Variants in CSMD1 observed in about 807,000 individuals in gnomAD.
The protein encoded by CSMD1 is CUB and Sushi multiple domains 1, also known as CUB and sushi domain-containing protein 1.
In CSMD1, 213 loss-of-function variants were observed where a neutral mutation model predicts 417.5. That is an observed-to-expected ratio of 0.51 (90% CI 0.46 to 0.57). CSMD1 has a LOEUF of 0.57. Among genes scored for constraint, CSMD1 ranks in the 20% least tolerant of loss-of-function variants. The pLI, the probability that CSMD1 is intolerant of heterozygous loss-of-function variation, is 0.00. For synonymous variants in CSMD1, 2,862 were observed against 1,736.8 expected, an observed-to-expected ratio of 1.65 and a Z score of -16.11; for missense variants, 6,923 against 4,529.7, an observed-to-expected ratio of 1.53 and a Z score of -15.17.
chr8:3,753,821 G>C (rs994457911), intron 6 of CSMD1, 109 bp downstream of exon 6: 3 of 676,716 alleles, frequency 4.4e-6, no homozygotes, highest in Non-Finnish European at 4.9e-6. Flanking sequence ...AAAAGAATTA[G>C]AAACCATTTT....
At chr8:3,266,570 C>A (rs568371596) in intron 26 of CSMD1, among the ~76,000 whole-genome samples, 2 of 129,424 alleles carry the variant, frequency 1.5e-5, no homozygotes, top group African/African-American at 5.8e-5. Flanking sequence ...CATGCCATTG[C>A]ATTCCAGCCT....
intron 10 of CSMD1, among the ~76,000 whole-genome samples, chr8:3,541,715 TCAA>T (rs1798445648): frequency 6.7e-6 from 1 of 148,820 alleles, no homozygotes; most frequent in African/African-American, 2.5e-5. Flanking sequence ...TTTTTCTTTA[TCAA>T]CAATTAAAAA....
intron 4 of CSMD1, among the ~76,000 whole-genome samples, chr8:4,022,107 G>A (rs1385366966): frequency 2.5e-5 from 3 of 121,302 alleles, no homozygotes; most frequent in African/African-American, 6.2e-5. Context: ...ATATATATAT[G>A]AATGGATATA....
intron 2 of CSMD1, among the ~76,000 whole-genome samples, chr8:4,530,216 C>T (rs997525688): frequency 1.3e-5 from 2 of 150,396 alleles, no homozygotes; most frequent in Non-Finnish European, 3.0e-5. Context: ...CCAGGCCTGC[C>T]ATTGTTATTT....
At chr8:3,342,757 G>T (rs1025600026) in intron 23 of CSMD1, among the ~76,000 whole-genome samples, 1 of 152,084 alleles carries the variant, frequency 6.6e-6, no homozygotes, top group African/African-American at 2.4e-5. Flanking sequence ...GTTATCTCTG[G>T]CAAGTATTCA....
chr8:4,187,365 G>C (rs576711345), intron 3 of CSMD1, among the ~76,000 whole-genome samples: 123 of 152,174 alleles, frequency 8.1e-4, no homozygotes, highest in Non-Finnish European at 1.4e-3. Context: ...GTAGCATTTG[G>C]GCCAGGCACG....
chr8:4,931,070 G>A lies in CSMD1; in HGVS notation c.85+63262C>T, dbSNP rs140483547. ...AATCCTTGACTTATCTGTAATAATTGGCTTGGAAATTCAGGCAATTATATA... is the reference window on the plus strand; with the variant it reads ...AATCCTTGACTTATCTGTAATAATTAGCTTGGAAATTCAGGCAATTATATA... On this transcript the variant is annotated intron_variant, in intron 1 of 69. Transcript: ENST00000635120. Among the ~76,000 whole-genome samples the A allele has an allele frequency of 3.9e-3, 596 of 152,228 alleles. 1 individual carries two copies. The highest frequency in any genetic ancestry group is 0.014 in the African/African-American group (566 of 41,540).
chr8:4,459,922 A>G (rs910225527), intron 2 of CSMD1, among the ~76,000 whole-genome samples: 1 of 152,210 alleles, frequency 6.6e-6, no homozygotes, highest in Non-Finnish European at 1.5e-5. Flanking sequence ...CAATCAAACA[A>G]TAATGACTGT....
At chr8:3,803,276 G>C (rs1352604383) in intron 5 of CSMD1, among the ~76,000 whole-genome samples, 1 of 152,162 alleles carries the variant, frequency 6.6e-6, no homozygotes, top group Non-Finnish European at 1.5e-5. Flanking sequence ...GGTTCTCATT[G>C]CATAAAGTTG....
At chr8:4,264,510 C>A (rs942415118) in intron 3 of CSMD1, among the ~76,000 whole-genome samples, 1 of 152,122 alleles carries the variant, frequency 6.6e-6, no homozygotes, top group African/African-American at 2.4e-5. Context: ...TGTGTACCCC[C>A]CCTGAAGCTG....
intron 1 of CSMD1, among the ~76,000 whole-genome samples, chr8:4,650,685 G>A (rs1040937694): frequency 6.6e-6 from 1 of 151,546 alleles, no homozygotes; most frequent in Non-Finnish European, 1.5e-5. Flanking sequence ...GCTTGTAGTT[G>A]ATTCTGTGTG....
intron 3 of CSMD1, among the ~76,000 whole-genome samples, chr8:4,327,364 G>C (rs1799620142): frequency 6.6e-6 from 1 of 152,126 alleles, no homozygotes; most frequent in African/African-American, 2.4e-5. Context: ...TAAAAGAAAG[G>C]TTAATGAAAA....
chr8:4,290,525 G>A (rs766513771), intron 3 of CSMD1, among the ~76,000 whole-genome samples: 32 of 152,276 alleles, frequency 2.1e-4, no homozygotes, highest in Admixed American at 2.6e-4. Context: ...ATGTTTCTCT[G>A]AGTTATGGGG....
chr8:3,842,662 G>C (rs895461993), intron 5 of CSMD1, among the ~76,000 whole-genome samples: 1 of 151,872 alleles, frequency 6.6e-6, no homozygotes, highest in East Asian at 1.9e-4. Flanking sequence ...CATAAATTAT[G>C]TTGCATTTCA....
intron 5 of CSMD1, among the ~76,000 whole-genome samples, chr8:3,877,276 T>C (rs1213865564): frequency 1.3e-5 from 2 of 152,136 alleles, no homozygotes; most frequent in Non-Finnish European, 1.5e-5. Flanking sequence ...TGGCCCTTGA[T>C]GCGTGGTGAA....
At chr8:3,247,884 A>C (rs1799989840) in intron 26 of CSMD1, among the ~76,000 whole-genome samples, 2 of 152,240 alleles carry the variant, frequency 1.3e-5, no homozygotes, top group Non-Finnish European at 2.9e-5. Context: ...TCTCCATGGA[A>C]TCCATGCATT....
intron 1 of CSMD1, among the ~76,000 whole-genome samples, chr8:4,799,099 C>T (rs1798139150): frequency 6.6e-6 from 1 of 152,172 alleles, no homozygotes; most frequent in Admixed American, 6.5e-5. Context: ...ATCTTTCCTT[C>T]CGGGCCATGG....
chr8:4,005,357 G>A (rs542174676), intron 4 of CSMD1, among the ~76,000 whole-genome samples: 10 of 152,268 alleles, frequency 6.6e-5, no homozygotes, highest in Non-Finnish European at 1.0e-4. Context: ...CGTAATGCAG[G>A]GGCGGGTCCG....
rs142268341 is a variant in CSMD1 at position 4,376,011 on chromosome 8, C to G, written c.415+43942G>C. On this transcript the variant is annotated intron_variant, in intron 3 of 69. Transcript: ENST00000635120. ...TTTCTGAGAGCAGCCAAGGGATTGT[C>G]TATGGTGGAAAATGCCCGTCTTTAA... Among the ~76,000 whole-genome samples the G allele has an allele frequency of 3.6e-4, 55 of 152,226 alleles. 1 individual carries two copies. In the East Asian group the frequency reaches 0.01, roughly 28 times the overall value.
Sources: allele counts gnomAD v4.1 joint callset (sites outside exome capture counted in the v4.1 genomes callset), GRCh38; gene constraint gnomAD v4.1.1; transcripts MANE v1.5; gene names NCBI Gene and HGNC (gene_info 2026-07-23, HGNC 2026-07-21).